RBFOX2: variants seen among roughly 807,000 people sequenced by gnomAD.
The protein encoded by RBFOX2 is RNA binding fox-1 homolog 2.
In RBFOX2, 10 loss-of-function variants were observed where a neutral mutation model predicts 49.1. That is an observed-to-expected ratio of 0.20 (90% CI 0.13 to 0.35). RBFOX2 has a LOEUF of 0.35. RBFOX2 is among the 10% of genes least tolerant of loss of function. RBFOX2 has a pLI of 1.00. For missense variants in RBFOX2, 323 were observed against 486.9 expected, an observed-to-expected ratio of 0.66 and a Z score of 3.17; for synonymous variants, 183 against 187.4, an observed-to-expected ratio of 0.98 and a Z score of 0.19.
chr22:35,822,880 A>C (rs1241057274), intron 1 of RBFOX2: 1 of 408,662 alleles, frequency 2.4e-6, no homozygotes, highest in Admixed American at 3.2e-5. Flanking sequence ...GCTGGAGTGC[A>C]GTGGCACAAT....
chr22:35,881,060 G>A lies in RBFOX2; in HGVS notation c.-34+57787C>T, dbSNP rs539689566. Among the ~76,000 whole-genome samples, 263 of 147,924 alleles carry A rather than the reference G, an allele frequency of 1.8e-3. 3 individuals carry two copies. The highest frequency in any genetic ancestry group is 6.5e-4 in the South Asian group (3 of 4,600). On this transcript the variant is annotated intron_variant, in intron 1 of 13. Transcript: ENST00000359369. ...TGGGCGGATCACGAGGTCAGGAGAT[G>A]GAGACCATCCTGGCTAACATGGTGA...
At position 35,749,215 on chromosome 22, in the gene RBFOX2, A is replaced by C. The variant is rs1391588456; in HGVS notation, c.888-2654T>G. ...AACATGATGAAGTTCTCTGCTTTTCAAGTGGAAGAAAACAGAACAGGGTTG... is the reference window on the plus strand; with the variant it reads ...AACATGATGAAGTTCTCTGCTTTTCCAGTGGAAGAAAACAGAACAGGGTTG... On this transcript the variant is annotated intron_variant, in intron 9 of 11. Transcript: ENST00000405409. The surrounding 1 kb of genome is among the most constrained non-coding windows in gnomAD (Gnocchi z 4.1). Among the ~76,000 whole-genome samples, 1 of 152,232 alleles carries C rather than the reference A, an allele frequency of 6.6e-6. No homozygotes were observed. Among genetic ancestry groups the C allele is most frequent in the African/African-American group, 2.4e-5 (1 of 41,464 alleles).
At chr22:35,797,241 G>A (rs1207935201) in intron 2 of RBFOX2, among the ~76,000 whole-genome samples, 1 of 151,930 alleles carries the variant, frequency 6.6e-6, no homozygotes, top group Non-Finnish European at 1.5e-5. Flanking sequence ...CTACTTAATA[G>A]TAACAACAAA....
intron 1 of RBFOX2, among the ~76,000 whole-genome samples, chr22:35,862,384 G>T (rs990402777): frequency 2.0e-5 from 3 of 149,924 alleles, no homozygotes; most frequent in Non-Finnish European, 4.4e-5. Context: ...TGGAGGGGGG[G>T]GGGAATGATA....
At chr22:35,766,158 C>T (rs1012696095) in intron 5 of RBFOX2, among the ~76,000 whole-genome samples, 8 of 152,132 alleles carry the variant, frequency 5.3e-5, no homozygotes, top group African/African-American at 1.9e-4. Context: ...ACCCTCATTA[C>T]AGAACTGCAT....
chr22:35,995,244 T>G (rs991013869), intron 1 of RBFOX2: 9 of 152,188 alleles, frequency 5.9e-5, no homozygotes, highest in Non-Finnish European at 1.2e-4. Flanking sequence ...ATACACAGGC[T>G]ACATCCATTT....
intron 1 of RBFOX2, among the ~76,000 whole-genome samples, chr22:35,878,041 CACACACACACACACACA>C (rs2045380304): frequency 1.6e-5 from 1 of 64,152 alleles, no homozygotes; most frequent in Non-Finnish European, 3.5e-5. Flanking sequence ...ACTACTACTA[CACACACACACACACACA>C]CACACACACA....
intron 1 of RBFOX2, among the ~76,000 whole-genome samples, chr22:35,890,030 A>G (rs2047055989): frequency 6.6e-6 from 1 of 152,134 alleles, no homozygotes; most frequent in Non-Finnish European, 1.5e-5. Flanking sequence ...TTTGACTCAC[A>G]GTCTGTGACT....
At chr22:35,921,345 T>TA (rs2050999032) in intron 1 of RBFOX2, among the ~76,000 whole-genome samples, 1 of 152,216 alleles carries the variant, frequency 6.6e-6, no homozygotes, top group East Asian at 1.9e-4. Flanking sequence ...CAAAGCATGT[T>TA]AAAACAGATT....
chr22:35,754,973 G>T (rs1268274552), intron 9 of RBFOX2, among the ~76,000 whole-genome samples: 2 of 152,192 alleles, frequency 1.3e-5, no homozygotes, highest in African/African-American at 4.8e-5. Context: ...GTATTTCGAA[G>T]AACTGTATCA....
intron 1 of RBFOX2, among the ~76,000 whole-genome samples, chr22:35,878,969 A>T (rs1359866408): frequency 6.7e-6 from 1 of 149,344 alleles, no homozygotes; most frequent in Non-Finnish European, 1.5e-5. Context: ...TGACCTCGTG[A>T]TCCACCCGCC....
chr22:35,760,179 G>A, intron 8 of RBFOX2, 159 bp from the exon 10 acceptor site: 1 of 890,082 alleles, frequency 1.1e-6, no homozygotes, highest in Non-Finnish European at 1.7e-6. Context: ...TCTACCCTGG[G>A]TCTCTCAGTG....
In RBFOX2 at chr22:35,930,668, A is replaced by G. The variant is rs2052290076; in HGVS notation, c.-34+8179T>C. ...AACACAGAGGAACCCCATCTCTACT[A>G]AAAATATAAAAAGTAGTCGGGTTTG... On this transcript the variant is annotated intron_variant, in intron 1 of 13. Coordinates refer to the RBFOX2 transcript ENST00000359369. 2.6e-5 allele frequency among the ~76,000 whole-genome samples: 4 copies of G among 151,870 alleles called. No individual in the cohort carries two copies. In the South Asian group the frequency reaches 8.3e-4, roughly 32 times the overall value.
intron 1 of RBFOX2, among the ~76,000 whole-genome samples, chr22:35,914,865 G>A (rs531255137): frequency 1.3e-5 from 2 of 152,324 alleles, no homozygotes; most frequent in African/African-American, 4.8e-5. Flanking sequence ...TTGAAAAACT[G>A]TTAACTTCTG....
intron 1 of RBFOX2, among the ~76,000 whole-genome samples, chr22:35,875,615 T>TGTGC (rs2044960126): frequency 1.1e-5 from 1 of 91,930 alleles, no homozygotes; most frequent in Non-Finnish European, 2.3e-5. Context: ...AGGGTGTGTG[T>TGTGC]GTGTGTGTGT....
chr22:35,742,523 A>C (rs1048694560), exon 12 of RBFOX2: 2 of 152,618 alleles, frequency 1.3e-5, no homozygotes, highest in Non-Finnish European at 2.9e-5. Context: ...CAGAAGCTCC[A>C]TGTCTCTGAA....
At chr22:35,966,595 AT>A (rs1354673290), upstream of RBFOX2, among the ~76,000 whole-genome samples, 7 of 152,076 alleles carry the variant, frequency 4.6e-5, no homozygotes, top group Non-Finnish European at 8.8e-5. Context: ...GATCCTGACC[AT>A]TTTTTGGAAC....
chr22:35,896,657 T>G lies in RBFOX2; in HGVS notation c.-34+42190A>C, dbSNP rs374761093. 8.5e-5 allele frequency among the ~76,000 whole-genome samples: 13 copies of G among 152,326 alleles called. No homozygotes were observed. In the East Asian group the frequency reaches 2.1e-3, roughly 25 times the overall value. ...TTCCTTTTCTTTCACACTGAACGCA[T>G]GCTTTCCGCAGACGAACGTTTTCTC... On this transcript the variant is annotated intron_variant, in intron 1 of 13. Coordinates refer to the RBFOX2 transcript ENST00000359369.
chr22:35,793,587 T>A, intron 2 of RBFOX2, among the ~76,000 whole-genome samples: 1 of 152,324 alleles, frequency 6.6e-6, no homozygotes, highest in Non-Finnish European at 1.5e-5. Flanking sequence ...AAGACAATTA[T>A]AATCAATTGA....
Sources: allele counts gnomAD v4.1 joint callset (sites outside exome capture counted in the v4.1 genomes callset), GRCh38; gene constraint gnomAD v4.1.1; non-coding constraint Gnocchi (gnomAD v3.1); transcripts MANE v1.5; gene names NCBI Gene and HGNC (gene_info 2026-07-23, HGNC 2026-07-21).